Variants in TRPM4 observed in about 807,000 individuals in gnomAD.
The protein encoded by TRPM4 is calcium-activated non-selective cation channel 1.
TRPM4 carries 124 observed loss-of-function variants against 135.6 expected under a neutral mutation model. The ratio of observed to expected loss-of-function variants is 0.91; its 90% CI spans 0.79 to 1.06. The LOEUF is 1.06. Ranked by LOEUF, TRPM4 falls within the 50% of genes least tolerant of loss-of-function variation. The probability of loss-of-function intolerance (pLI) is 0.00; values close to 1 mark genes in which losing one functional copy is unlikely to be tolerated. For synonymous variants in TRPM4, 745 were observed against 705.6 expected (o/e 1.06, Z -0.88); for missense variants, 1,658 against 1,671.4 (o/e 0.99, Z 0.14).
chr19:49,182,107 T>TCCAA (rs879552683), intron 10 of TRPM4, among the ~76,000 whole-genome samples: 1 of 147,820 alleles, frequency 6.8e-6, no homozygotes. Flanking sequence ...CATCCATCCA[T>TCCAA]CCATCCATCC....
In TRPM4 at chr19:49,210,862, G is replaced by A. The variant is rs1568498952; in HGVS notation, c.3461+20G>A. On this transcript the variant is annotated intron_variant, in intron 22 of 24. Transcript: ENST00000252826. This position sits in a 1 kb window ranked among gnomAD's most constrained non-coding sequence, Gnocchi z 4.1. ...CCAGAAGTGAGAGCGGGGCCTGGTCGGGGATGGGGCTTCTGGCCTGGGGCG... is the reference window on the plus strand; with the variant it reads ...CCAGAAGTGAGAGCGGGGCCTGGTCAGGGATGGGGCTTCTGGCCTGGGGCG... The A allele has an allele frequency of 6.2e-7, 1 of 1,602,952 alleles. No individual in the cohort carries two copies. The highest frequency in any genetic ancestry group is 8.5e-7 in the Non-Finnish European group (1 of 1,175,458).
rs1969352105 is a variant in TRPM4 at position 49,211,149 on chromosome 19, C to T, written c.3535-15C>T. On this transcript the variant is annotated splice_polypyrimidine_tract_variant and intron_variant, in intron 23 of 24. Transcript: ENST00000252826. This position sits in a 1 kb window ranked among gnomAD's most constrained non-coding sequence, Gnocchi z 4.8. ...GGGTCCCATCTCCCGCTCTGACATT[C>T]CTCCCATTCCGCAGGTCCAGCAGTG... 1 of 1,608,164 alleles carries T rather than the reference C, an allele frequency of 6.2e-7. No homozygotes were observed. Among genetic ancestry groups the T allele is most frequent in the Non-Finnish European group, 8.5e-7 (1 of 1,177,682 alleles).
intron 20 of TRPM4, among the ~76,000 whole-genome samples, chr19:49,204,498 G>T (rs1251985652): frequency 1.3e-5 from 2 of 151,848 alleles, no homozygotes; most frequent in Admixed American, 1.3e-4. Context: ...ACTTTGGGGG[G>T]CTGAGGTGGG....
chr19:49,161,459 A>G (rs1486371502), intron 2 of TRPM4, among the ~76,000 whole-genome samples: 2 of 149,088 alleles, frequency 1.3e-5, no homozygotes, highest in African/African-American at 5.0e-5. Context: ...AGTAGCTGGG[A>G]CCACAGGCAT....
chr19:49,178,888 A>G (rs1967806787), intron 9 of TRPM4, among the ~76,000 whole-genome samples: 1 of 151,382 alleles, frequency 6.6e-6, no homozygotes, highest in South Asian at 2.1e-4. Flanking sequence ...CCTCCTGAGT[A>G]GCTGGCACTA....
rs372245313 is a variant in TRPM4 at position 49,189,527 on chromosome 19, C to T, written c.2019+436C>T. 2.7e-5 allele frequency among the ~76,000 whole-genome samples: 4 copies of T among 147,306 alleles called. No homozygotes were observed. The East Asian group carries it at 5.8e-4, about 21-fold the overall frequency. ...CAGTTTTCAGCAGTTAGAATGGCCT[C>T]ACTGAACAATTACCTTTTTTTTTTT... On this transcript the variant is annotated intron_variant, in intron 14 of 24. Coordinates refer to ENST00000252826, the MANE Select transcript of TRPM4 (RefSeq NM_017636.4).
At chr19:49,182,237 TATCC>T (rs1161420246) in intron 10 of TRPM4, among the ~76,000 whole-genome samples, 3 of 124,820 alleles carry the variant, frequency 2.4e-5, no homozygotes, top group Admixed American at 7.9e-5. Context: ...TCCATCCATC[TATCC>T]ATCCATCCAT....
rs1259526328 is a variant in TRPM4 at position 49,200,691 on chromosome 19, G to A, written c.2859G>A (p.Arg953=). The change falls in exon 19 of 25, where the codon AGG becomes AGA. Residue 953 remains arginine, a synonymous_variant. Coordinates refer to ENST00000252826, the MANE Select transcript of TRPM4 (RefSeq NM_017636.4). ...AYGVATEGLL[R]PRDSDFPSIL... ...GCGTGGCCACGGAGGGGCTCCTGAGGCCACGGGACAGTGACTTCCCAAGTA... is the reference window on the plus strand; with the variant it reads ...GCGTGGCCACGGAGGGGCTCCTGAGACCACGGGACAGTGACTTCCCAAGTA... 2 of 1,614,064 alleles carry A rather than the reference G, an allele frequency of 1.2e-6. No individual in the cohort carries two copies. The highest frequency in any genetic ancestry group is 8.5e-7 in the Non-Finnish European group (1 of 1,180,024).
rs1968290890 is a variant in TRPM4 at position 49,188,724 on chromosome 19, A to G, written c.1827A>G (p.Ala609=). 6.2e-7 allele frequency: 1 copy of G among 1,614,098 alleles called. No homozygotes were observed. Among genetic ancestry groups the G allele is most frequent in the African/African-American group, 1.3e-5 (1 of 74,934 alleles). The part of the protein sequence containing the change: ...MARLEPDAEE[A]ARRKDLAFKF... ...GCCTGGAGCCTGACGCTGAGGAGGC[A>G]GCACGGAGGAAAGACCTGGCGTTCA... Residue 609 remains alanine (A), a synonymous_variant, in exon 13 of 25, where the codon GCA becomes GCG. Coordinates refer to ENST00000252826, the MANE Select transcript of TRPM4 (RefSeq NM_017636.4).
In TRPM4 at chr19:49,158,212, C is replaced by T; in HGVS notation, c.45C>T (p.Phe15=). Reference sequence around the variant, plus strand: ...CCCAGAGCTGGATCCCCAAGATCTTCAAGAAGAAGACCTGCACGACGTTCA... The same window carrying T: ...CCCAGAGCTGGATCCCCAAGATCTTTAAGAAGAAGACCTGCACGACGTTCA... ...EKEQSWIPKI[F]KKKTCTTFIV... Residue 15 remains phenylalanine (F), a synonymous_variant, in exon 2 of 25, where the codon TTC becomes TTT. Transcript: ENST00000252826. The T allele has an allele frequency of 6.2e-7, 1 of 1,613,880 alleles. No individual in the cohort carries two copies. Among genetic ancestry groups the T allele is most frequent in the African/African-American group, 1.3e-5 (1 of 74,974 alleles).
At chr19:49,178,446 C>T (rs1050245031) in intron 9 of TRPM4, among the ~76,000 whole-genome samples, 1 of 151,904 alleles carries the variant, frequency 6.6e-6, no homozygotes, top group Admixed American at 6.6e-5. Context: ...GGAGGACAGT[C>T]GGGGAGGCTC....
chr19:49,197,364 C>CTTTCTCTCTT lies in TRPM4; in HGVS notation c.2645+491_2645+492insTTCTCTCTTT, dbSNP rs1305134354. 2.2e-3 allele frequency among the ~76,000 whole-genome samples: 162 copies of CTTTCTCTCTT among 72,674 alleles called. 1 individual carries two copies. The highest frequency in any genetic ancestry group is 8.8e-3 in the African/African-American group (155 of 17,624). 47.7% of individuals were successfully genotyped at this position (72,674 alleles called of 152,430 possible). ...TCTTTCTTTCTTTCTTTCTTTCTTT[C>CTTTCTCTCTT]TCTCTCTTTCTTTTCTTTCTTTCTC... On this transcript the variant is annotated intron_variant, in intron 17 of 24. Coordinates refer to ENST00000252826, the MANE Select transcript of TRPM4 (RefSeq NM_017636.4).
intron 12 of TRPM4, among the ~76,000 whole-genome samples, chr19:49,184,931 CT>C (rs67365636): frequency 0.29 from 42,279 of 146,050 alleles, 6,033 homozygotes; most frequent in South Asian, 0.38. Flanking sequence ...GTGTTTTTTT[CT>C]TTTTTTTTTA....
rs1395648964 is a variant in TRPM4, at chr19:49,200,681, G to GACAC, written c.2849_2850insACAC (p.Leu951HisfsTer9). The GACAC allele has an allele frequency of 7.4e-6, 12 of 1,613,932 alleles. No individual in the cohort carries two copies. Among genetic ancestry groups the GACAC allele is most frequent in the African/African-American group, 1.3e-5 (1 of 74,912 alleles). ...GTAGCCTATGGCGTGGCCACGGAGG[G>GACAC]GCTCCTGAGGCCACGGGACAGTGAC... On this transcript the variant is annotated frameshift_variant, in exon 19 of 25. Coordinates refer to ENST00000252826, the MANE Select transcript of TRPM4 (RefSeq NM_017636.4). LOFTEE classifies it high-confidence loss of function.
chr19:49,200,540 T>A lies in TRPM4; in HGVS notation c.2779-71T>A, dbSNP rs1482484738. ...CGTGACTTTGGGGAGCAATGGGGCG[T>A]GTTTTTGGGATATAGGGGTGGGGCC... On this transcript the variant is annotated intron_variant, in intron 18 of 24. Transcript: ENST00000252826. 4.4e-6 allele frequency: 7 copies of A among 1,593,450 alleles called. No individual in the cohort carries two copies. In the South Asian group the frequency reaches 4.5e-5, roughly 10 times the overall value.
intron 4 of TRPM4, 80 bp downstream of exon 4, chr19:49,168,177 C>A (rs1374740841): frequency 1.9e-6 from 3 of 1,581,844 alleles, no homozygotes; most frequent in Non-Finnish European, 2.6e-6. Context: ...TGGCCTCCCC[C>A]GCCGCCCAGT....
At chr19:49,190,809 C>T (rs368795799) in intron 16 of TRPM4, 36 bp downstream of exon 16, 1 of 1,596,988 alleles carries the variant, frequency 6.3e-7, no homozygotes, top group Non-Finnish European at 8.6e-7. Flanking sequence ...GAGGTGGGGA[C>T]ACCCTGGGCA....
chr19:49,210,323 C>G lies in TRPM4; in HGVS notation c.3246C>G (p.Ile1082Met), dbSNP rs1969301813. 6 of 1,614,248 alleles carry G rather than the reference C, an allele frequency of 3.7e-6. No homozygotes were observed. Among genetic ancestry groups the G allele is most frequent in the Non-Finnish European group, 5.1e-6 (6 of 1,180,044 alleles). The change falls in exon 21 of 25, where the codon ATC becomes ATG. Residue 1082 changes from isoleucine to methionine, a missense_variant. By Grantham distance (10) the Ile-to-Met change is conservative. Coordinates refer to ENST00000252826, the MANE Select transcript of TRPM4 (RefSeq NM_017636.4). The surrounding 1 kb of genome is among the most constrained non-coding windows in gnomAD (Gnocchi z 4.1). Reference protein sequence around the residue: ...RPALAPPFIVISHLRLLLRQL... With the variant: ...RPALAPPFIVMSHLRLLLRQL... Reference sequence around the variant, plus strand: ...CGCTGGCCCCGCCCTTTATCGTCATCTCCCACTTGCGCCTCCTGCTCAGGC... The same window carrying G: ...CGCTGGCCCCGCCCTTTATCGTCATGTCCCACTTGCGCCTCCTGCTCAGGC...
At chr19:49,172,219 C>A in intron 9 of TRPM4, 111 bp downstream of exon 9, 1 of 860,624 alleles carries the variant, frequency 1.2e-6, no homozygotes, top group Non-Finnish European at 2.0e-6. Flanking sequence ...GCCCCCTTTA[C>A]CCCTCTTAAT....
Sources: allele counts gnomAD v4.1 joint callset (sites outside exome capture counted in the v4.1 genomes callset), GRCh38; gene constraint gnomAD v4.1.1; non-coding constraint Gnocchi (gnomAD v3.1); transcripts MANE v1.5; gene names NCBI Gene and HGNC (gene_info 2026-07-23, HGNC 2026-07-21).